ZYG11B: variants seen among roughly 807,000 people sequenced by gnomAD.
The protein encoded by ZYG11B is zyg-11 family member B, cell cycle regulator, also known as protein zyg-11 homolog B.
Under a neutral mutation model 82.4 loss-of-function variants are expected in ZYG11B, and 36 were observed. The observed-to-expected ratio is 0.44, with a 90% CI of 0.33 to 0.58. The LOEUF is 0.58. Ranked by LOEUF, ZYG11B falls within the 20% of genes least tolerant of loss-of-function variation. The pLI, the probability that ZYG11B is intolerant of heterozygous loss-of-function variation, is 0.02. For missense variants in ZYG11B, 552 were observed against 895.6 expected, an observed-to-expected ratio of 0.62 and a Z score of 4.90; for synonymous variants, 303 against 312.8, an observed-to-expected ratio of 0.97 and a Z score of 0.33.
rs1644840668 is a variant in ZYG11B at position 52,779,838 on chromosome 1, T to C, written c.952-15T>C. ...AGAGAGAGAATTCTAAAAGCTAATC[T>C]GGTTATGTTCACAGGTGTCTGGGGA... On this transcript the variant is annotated splice_polypyrimidine_tract_variant and intron_variant, in intron 3 of 13. Coordinates refer to ENST00000294353, the MANE Select transcript of ZYG11B (RefSeq NM_024646.3). The C allele has an allele frequency of 6.2e-7, 1 of 1,610,376 alleles. No individual in the cohort carries two copies. The highest frequency in any genetic ancestry group is 1.7e-4 in the Middle Eastern group (1 of 6,042).
intron 5 of ZYG11B, among the ~76,000 whole-genome samples, chr1:52,788,829 A>G (rs751598360): frequency 1.1e-4 from 16 of 152,202 alleles, no homozygotes; most frequent in Non-Finnish European, 1.8e-4. Flanking sequence ...TTTTCCAGCT[A>G]AAGGAACAGG....
At chr1:52,763,366 T>G (rs1015344369) in intron 2 of ZYG11B, among the ~76,000 whole-genome samples, 1 of 152,246 alleles carries the variant, frequency 6.6e-6, no homozygotes, top group Non-Finnish European at 1.5e-5. Flanking sequence ...TTGCATTGCA[T>G]CTGTAGATTG....
rs1644841057 is a variant in ZYG11B at position 52,779,904 on chromosome 1, A to G, written c.1003A>G (p.Ser335Gly). 1.2e-6 allele frequency: 2 copies of G among 1,614,248 alleles called. No homozygotes were observed. Among genetic ancestry groups the G allele is most frequent in the African/African-American group, 1.3e-5 (1 of 75,074 alleles). ...TQIAEALKRYSERAFFVREAL... is the reference protein window; with the variant it reads ...TQIAEALKRYGERAFFVREAL... ...GATTGCAGAAGCACTGAAGCGTTAC[A>G]GTGAACGGGCATTCTTTGTTCGGGA... The change falls in exon 4 of 14, where the codon AGT becomes GGT. Residue 335 changes from serine (S) to glycine (G), a missense_variant. This residue lies in a region of ZYG11B where 359 missense variants were observed against 555.8 expected (regional missense o/e 0.65). Coordinates refer to ENST00000294353, the MANE Select transcript of ZYG11B (RefSeq NM_024646.3).
Position 52,826,924 on chromosome 1 carries a change from G to A in ZYG11B, c.*5295G>A, listed in dbSNP as rs1645329979. The A allele has an allele frequency of 6.6e-6, 1 of 152,136 alleles. No individual in the cohort carries two copies. The highest frequency in any genetic ancestry group is 1.5e-5 in the Non-Finnish European group (1 of 68,026). 9.4% of individuals were successfully genotyped at this position (152,136 alleles called of 1,614,324 possible). A position where few individuals can be genotyped will look rare whatever the true frequency, so the allele number is the denominator to read the frequency against. Reference sequence around the variant, plus strand: ...AGAAGCTACTTAGCTAATGAAAGCTGAGACACTTTATTAAAAGCAGGATCT... The same window carrying A: ...AGAAGCTACTTAGCTAATGAAAGCTAAGACACTTTATTAAAAGCAGGATCT... On this transcript the variant is annotated 3_prime_UTR_variant, in exon 14 of 14. Coordinates refer to ENST00000294353, the MANE Select transcript of ZYG11B (RefSeq NM_024646.3).
chr1:52,761,158 G>A (rs1377482697), intron 2 of ZYG11B, among the ~76,000 whole-genome samples: 1 of 152,156 alleles, frequency 6.6e-6, no homozygotes, highest in Non-Finnish European at 1.5e-5. Flanking sequence ...TAAGATTGGA[G>A]TAATTAGCAT....
chr1:52,753,378 A>G (rs1438343515), intron 1 of ZYG11B, among the ~76,000 whole-genome samples: 2 of 148,396 alleles, frequency 1.3e-5, no homozygotes, highest in Admixed American at 1.3e-4. Context: ...ATCAGCAATT[A>G]TTGTCCATGG....
chr1:52,800,739 G>A (rs905405371), intron 8 of ZYG11B, among the ~76,000 whole-genome samples: 1 of 152,050 alleles, frequency 6.6e-6, no homozygotes, highest in Admixed American at 6.6e-5. Context: ...ACCCCGGGGG[G>A]GTGGAGGTCG....
chr1:52,795,048 G>A (rs910157289), intron 6 of ZYG11B, among the ~76,000 whole-genome samples: 11 of 152,100 alleles, frequency 7.2e-5, no homozygotes, highest in African/African-American at 1.9e-4. Flanking sequence ...GTAAAAGCTA[G>A]TTCCTTAATG....
At chr1:52,731,057 G>A (rs568482365) in intron 1 of ZYG11B, among the ~76,000 whole-genome samples, 20 of 152,122 alleles carry the variant, frequency 1.3e-4, no homozygotes, top group African/African-American at 4.6e-4. Flanking sequence ...TGAATCACCT[G>A]AGGTCAGGAG....
chr1:52,761,929 AT>A (rs1305056095), intron 2 of ZYG11B, among the ~76,000 whole-genome samples: 1 of 152,028 alleles, frequency 6.6e-6, no homozygotes, highest in Non-Finnish European at 1.5e-5. Flanking sequence ...ATGTTTAGCA[AT>A]TTTTTTATAT....
chr1:52,753,838 C>T (rs1644547666), intron 1 of ZYG11B, among the ~76,000 whole-genome samples: 1 of 152,098 alleles, frequency 6.6e-6, no homozygotes. Context: ...GCAGGTGATC[C>T]ACCCGCCTCG....
In ZYG11B at chr1:52,826,981, ACT is replaced by A. The variant is rs946395430; in HGVS notation, c.*5356_*5357del. ...CATTGTTTTTCCTTAAAAACTTTAT[ACT>A]CTCAGATAATCTGCAACAACAAAAA... is the stretch of plus-strand genomic sequence containing the variant. On this transcript the variant is annotated 3_prime_UTR_variant, in exon 14 of 14. Transcript: ENST00000294353. 2.0e-5 allele frequency: 3 copies of A among 151,856 alleles called. No homozygotes were observed. Among genetic ancestry groups the A allele is most frequent in the Admixed American group, 1.3e-4 (2 of 15,260 alleles). The allele number at this position is 151,856 out of a possible 1,614,324, so 9.4% of individuals were successfully genotyped here.
intron 4 of ZYG11B, among the ~76,000 whole-genome samples, chr1:52,780,290 A>G (rs1160333359): frequency 6.6e-6 from 1 of 152,190 alleles, no homozygotes; most frequent in Non-Finnish European, 1.5e-5. Context: ...ATGAAAGTAT[A>G]TGACTGGAAT....
Position 52,821,479 on chromosome 1 carries a change from G to C in ZYG11B, c.2085G>C (p.Leu695Phe). 6.2e-7 allele frequency: 1 copy of C among 1,608,606 alleles called. No homozygotes were observed. The highest frequency in any genetic ancestry group is 8.5e-7 in the Non-Finnish European group (1 of 1,176,724). The change falls in exon 14 of 14, where the codon TTG becomes TTC. Residue 695 changes from leucine (L) to phenylalanine (F), a missense_variant. Transcript: ENST00000294353. ...GCATGCTGATTGAAGAAGGAGGATT[G>C]CAGCATTTATACAACATCAAAGATC... is the stretch of plus-strand genomic sequence containing the variant. ...YCSMLIEEGGLQHLYNIKDHE... is the reference protein window; with the variant it reads ...YCSMLIEEGGFQHLYNIKDHE...
At chr1:52,821,088 TAA>T (rs753617042) in intron 13 of ZYG11B, among the ~76,000 whole-genome samples, 19 of 122,046 alleles carry the variant, frequency 1.6e-4, no homozygotes, top group Admixed American at 4.3e-4. Context: ...AGACTCTGTC[TAA>T]AAAAAAAAAA....
chr1:52,782,226 T>A (rs1261931502), intron 4 of ZYG11B, among the ~76,000 whole-genome samples: 2 of 151,776 alleles, frequency 1.3e-5, no homozygotes, highest in African/African-American at 4.8e-5. Context: ...AATAACACCA[T>A]GCCTGGCTGA....
intron 10 of ZYG11B, among the ~76,000 whole-genome samples, chr1:52,806,386 A>G (rs1311417645): frequency 6.6e-6 from 1 of 152,154 alleles, no homozygotes; most frequent in Admixed American, 6.6e-5. Flanking sequence ...TTTTCTGCCT[A>G]CCTGTTCTAT....
chr1:52,755,264 A>G (rs1644564395), intron 1 of ZYG11B, among the ~76,000 whole-genome samples: 1 of 151,498 alleles, frequency 6.6e-6, no homozygotes, highest in Non-Finnish European at 1.5e-5. Context: ...CCCGGCCAAA[A>G]AGCAAGCCCG....
intron 1 of ZYG11B, among the ~76,000 whole-genome samples, chr1:52,732,690 G>A (rs1421278920): frequency 6.6e-6 from 1 of 152,112 alleles, no homozygotes; most frequent in Non-Finnish European, 1.5e-5. Flanking sequence ...GCTTGAACCC[G>A]GGAGGCAGAG....
Sources: allele counts gnomAD v4.1 joint callset (sites outside exome capture counted in the v4.1 genomes callset), GRCh38; gene constraint gnomAD v4.1.1; regional missense constraint gnomAD v4.1.1; transcripts MANE v1.5; gene names NCBI Gene and HGNC (gene_info 2026-07-23, HGNC 2026-07-21).